GLB1L3: variants seen among roughly 807,000 people sequenced by gnomAD.
GLB1L3 encodes beta-galactosidase-1-like protein 3.
GLB1L3 carries 89 observed loss-of-function variants against 89.5 expected under a neutral mutation model. That is an observed-to-expected ratio of 0.99 (90% confidence interval 0.84 to 1.19). The LOEUF (loss-of-function observed/expected upper bound fraction) is 1.19, where lower values mean the gene tolerates loss of function less well. GLB1L3 is among the 50% of genes most tolerant of loss of function. GLB1L3 has a pLI of 0.00. For missense variants in GLB1L3, 812 were observed against 813.3 expected (o/e 1.00, Z 0.02); for synonymous variants, 314 against 312.3 (o/e 1.01, Z -0.06).
chr11:134,309,085 G>A (rs190666073), intron 10 of GLB1L3, among the ~76,000 whole-genome samples: 25 of 152,154 alleles, frequency 1.6e-4, no homozygotes, highest in Admixed American at 2.6e-4. Flanking sequence ...TAGTAATGAG[G>A]GTGTACTAAT....
chr11:134,308,613 C>T (rs1221468583), intron 10 of GLB1L3, among the ~76,000 whole-genome samples: 110 of 140,822 alleles, frequency 7.8e-4, no homozygotes, highest in Non-Finnish European at 1.2e-3. Flanking sequence ...ACCACCACCA[C>T]CACTATCACC....
intron 11 of GLB1L3, chr11:134,310,228 AAC>A (rs894566723): frequency 4.0e-5 from 15 of 372,488 alleles, no homozygotes; most frequent in African/African-American, 3.0e-4. Flanking sequence ...TTAAAAAAAA[AAC>A]ACAAAATGTT....
rs571882189 is a variant in GLB1L3, at chr11:134,280,281, G to T, written c.363-1096G>T. On this transcript the variant is annotated intron_variant, in intron 3 of 19. Transcript: ENST00000431683. ...GATATAGGTTTTTGGAATTTGTTGA[G>T]ATTTACTTCGTGACATAGTACATGC... is the stretch of plus-strand genomic sequence containing the variant. 1.6e-3 allele frequency among the ~76,000 whole-genome samples: 242 copies of T among 152,142 alleles called. 1 individual carries two copies. The highest frequency in any genetic ancestry group is 5.8e-3 in the African/African-American group (239 of 41,512).
rs770440284 is a variant in GLB1L3 at position 134,309,689 on chromosome 11, A to C, written c.1025A>C (p.His342Pro). The stretch of plus-strand genomic sequence containing the variant: ...ATCTCCTTCAATGTATATATGTTCC[A>C]TGGTGGAACCAACTTTGGTTTCATG... ...YEISFNVYMFHGGTNFGFMNG... is the reference protein window; with the variant it reads ...YEISFNVYMFPGGTNFGFMNG... The change falls in exon 11 of 20, where the codon CAT becomes CCT. Residue 342 changes from histidine to proline, a missense_variant. This residue lies in a region of GLB1L3 where 618 missense variants were observed against 604.0 expected (regional missense o/e 1.02). Transcript: ENST00000431683. The C allele has an allele frequency of 1.9e-6, 3 of 1,613,120 alleles. No homozygotes were observed. The highest frequency in any genetic ancestry group is 3.3e-5 in the Admixed American group (2 of 59,946).
Position 134,312,903 on chromosome 11 carries a change from G to T in GLB1L3, c.1500+16G>T, listed in dbSNP as rs1378375353. On this transcript the variant is annotated intron_variant, in intron 15 of 19. Transcript: ENST00000431683. ...TGAACTCAGGGTATGTAATTTGAGA[G>T]TCCAGGTGATGCCCTCGACCCCCCT... 1 of 1,561,254 alleles carries T rather than the reference G, an allele frequency of 6.4e-7. No homozygotes were observed. Among genetic ancestry groups the T allele is most frequent in the Non-Finnish European group, 8.8e-7 (1 of 1,135,710 alleles).
chr11:134,309,604 G>A, intron 10 of GLB1L3, 22 bp from the exon 11 acceptor site: 4 of 1,555,852 alleles, frequency 2.6e-6, no homozygotes, highest in Non-Finnish European at 3.5e-6. Context: ...CATTCTCTGT[G>A]TTCTCATGTT....
At chr11:134,279,364 C>CTTTTTTTTTTTTT (rs10577769) in intron 3 of GLB1L3, among the ~76,000 whole-genome samples, 108 of 108,304 alleles carry the variant, frequency 1.0e-3, no homozygotes, top group Non-Finnish European at 1.3e-3. Flanking sequence ...TTTTCTTTTT[C>CTTTTTTTTTTTTT]TTTTTTTTTT....
Position 134,311,088 on chromosome 11 carries a change from A to G in GLB1L3, c.1205A>G (p.Lys402Arg). ...VSATPLPRVPKLPPKAVYPPV... is the reference protein window; with the variant it reads ...VSATPLPRVPRLPPKAVYPPV... ...GCAACTCCCCTGCCCCGAGTACCCA[A>G]ACTTCCTCCCAAGGCTGTGTATCCC... Residue 402 changes from lysine (K) to arginine (R), a missense_variant, in exon 13 of 20, where the codon AAA (lysine) becomes AGA (arginine). Around this residue, in one of 3 missense-constraint regions of GLB1L3, gnomAD observed 618 missense variants for 604.0 expected, o/e 1.02. Coordinates refer to ENST00000431683, the MANE Select transcript of GLB1L3 (RefSeq NM_001080407.3). 3 of 1,613,632 alleles carry G rather than the reference A, an allele frequency of 1.9e-6. No individual in the cohort carries two copies. The highest frequency in any genetic ancestry group is 1.7e-6 in the Non-Finnish European group (2 of 1,179,790).
intron 9 of GLB1L3, among the ~76,000 whole-genome samples, chr11:134,293,818 T>C (rs573616780): frequency 6.6e-6 from 1 of 152,252 alleles, no homozygotes; most frequent in East Asian, 1.9e-4. Context: ...CAGTCTCCTC[T>C]GCTTAACACC....
intron 8 of GLB1L3, chr11:134,292,787 C>T (rs1276483314): frequency 5.2e-6 from 2 of 387,572 alleles, no homozygotes; most frequent in African/African-American, 2.1e-5. Context: ...TGCCGTTCTG[C>T]CTCCTTAGTA....
At chr11:134,313,589 A>G in intron 16 of GLB1L3, 115 bp downstream of exon 16, 1 of 899,864 alleles carries the variant, frequency 1.1e-6, no homozygotes, top group South Asian at 1.6e-5. Flanking sequence ...TGGGCTACCC[A>G]GGCCCTGGGA....
At chr11:134,284,741 G>A (rs1466443403) in intron 6 of GLB1L3, among the ~76,000 whole-genome samples, 1 of 151,458 alleles carries the variant, frequency 6.6e-6, no homozygotes, top group African/African-American at 2.4e-5. Flanking sequence ...AAAACAAAAC[G>A]AAACAAAAAA....
At chr11:134,290,727 C>T (rs553330827) in intron 7 of GLB1L3, among the ~76,000 whole-genome samples, 29 of 152,254 alleles carry the variant, frequency 1.9e-4, no homozygotes, top group African/African-American at 6.7e-4. Flanking sequence ...GATTAGATGT[C>T]CCCATCCCTG....
chr11:134,290,176 G>A (rs1941266915), intron 7 of GLB1L3, among the ~76,000 whole-genome samples: 1 of 148,576 alleles, frequency 6.7e-6, no homozygotes, highest in Non-Finnish European at 1.5e-5. Context: ...TGTTCAGCCA[G>A]CATTATTTAA....
intron 9 of GLB1L3, among the ~76,000 whole-genome samples, chr11:134,300,593 C>CA (rs1159738713): frequency 6.6e-6 from 1 of 152,118 alleles, no homozygotes; most frequent in African/African-American, 2.4e-5. Context: ...CTCAGCCTCC[C>CA]AAAGTGCTGG....
chr11:134,288,359 T>TG (rs1941134563), intron 6 of GLB1L3, among the ~76,000 whole-genome samples: 1 of 152,100 alleles, frequency 6.6e-6, no homozygotes, highest in African/African-American at 2.4e-5. Flanking sequence ...GTCAGCTTGT[T>TG]GCAAAGGAAG....
chr11:134,310,691 A>G, intron 12 of GLB1L3, 40 bp downstream of exon 12: 5 of 1,445,216 alleles, frequency 3.5e-6, no homozygotes, highest in Non-Finnish European at 4.9e-6. Flanking sequence ...AGCCCTCCTC[A>G]TGTGGAGTCT....
intron 3 of GLB1L3, among the ~76,000 whole-genome samples, chr11:134,279,364 C>CTTTTTTTTTTTTTTTTT (rs10577769): frequency 2.9e-4 from 31 of 108,336 alleles, no homozygotes; most frequent in Non-Finnish European, 3.9e-4. Context: ...TTTTCTTTTT[C>CTTTTTTTTTTTTTTTTT]TTTTTTTTTT....
chr11:134,277,738 A>G lies in GLB1L3; in HGVS notation c.188A>G (p.Asn63Ser), dbSNP rs757169572. 6 of 1,612,912 alleles carry G rather than the reference A, an allele frequency of 3.7e-6. No individual in the cohort carries two copies. In the Admixed American group the frequency reaches 8.4e-5, roughly 22 times the overall value. ...CATCTGACCCCTCTGGAGCTGAAGA[A>G]TCGATCTGTGGGACTTGGAACTGAA... ...WSHLTPLELK[N>S]RSVGLGTEST... The change falls in exon 3 of 20, where the codon AAT becomes AGT. Residue 63 changes from asparagine (N) to serine (S), a missense_variant. Transcript: ENST00000431683.
Sources: gnomAD v4.1 joint callset for allele counts (sites outside exome capture counted in the v4.1 genomes callset) on GRCh38, gnomAD v4.1.1 for gene constraint, gnomAD v4.1.1 regional missense constraint, MANE v1.5 for transcripts, NCBI Gene and HGNC (gene_info 2026-07-23, HGNC 2026-07-21) for gene names.